The following FRMD6 variants were observed in gnomAD, a reference collection of about 807,000 sequenced individuals.
FRMD6 encodes the protein FERM domain-containing protein 6.
Under a neutral mutation model 73.2 loss-of-function variants are expected in FRMD6, and 37 were observed. The ratio of observed to expected loss-of-function variants is 0.51; its 90% CI spans 0.39 to 0.66. The LOEUF (loss-of-function observed/expected upper bound fraction) is 0.66, where lower values mean the gene tolerates loss of function less well. Among genes scored for constraint, FRMD6 ranks in the 30% least tolerant of loss-of-function variants. FRMD6 has a pLI of 0.00. For synonymous variants in FRMD6, 273 were observed against 282.2 expected, an observed-to-expected ratio of 0.97 and a Z score of 0.33; for missense variants, 714 against 780.5, an observed-to-expected ratio of 0.91 and a Z score of 1.02.
chr14:51,463,753 A>G, the FRMD6 span, among the ~76,000 whole-genome samples: 2 of 152,200 alleles, frequency 1.3e-5, no homozygotes, highest in African/African-American at 4.8e-5. Context: ...ACTTACCCAC[A>G]ACAGTTTTTT....
intron 2 of FRMD6, among the ~76,000 whole-genome samples, chr14:51,639,366 C>T (rs1357079631): frequency 1.3e-5 from 2 of 151,726 alleles, no homozygotes; most frequent in African/African-American, 2.4e-5. Context: ...ACCCGGTAGG[C>T]GGAGCTTGCA....
intron 1 of FRMD6, among the ~76,000 whole-genome samples, chr14:51,677,947 A>G (rs1046127260): frequency 6.6e-6 from 1 of 152,040 alleles, no homozygotes; most frequent in African/African-American, 2.4e-5. Context: ...GTGCCAGGAG[A>G]AACTAGGTTC....
upstream of FRMD6, among the ~76,000 whole-genome samples, chr14:51,485,611 A>G (rs1197003573): frequency 6.6e-6 from 1 of 152,048 alleles, no homozygotes; most frequent in African/African-American, 2.4e-5. Context: ...CCCTAACTCA[A>G]TCCAAATTTC....
intron 1 of FRMD6, among the ~76,000 whole-genome samples, chr14:51,521,595 A>G (rs1185488272): frequency 2.0e-5 from 3 of 152,124 alleles, no homozygotes; most frequent in African/African-American, 7.2e-5. Flanking sequence ...ATTTTTATTT[A>G]AATTCATGGA....
intron 5 of FRMD6, 80 bp downstream of exon 5, chr14:51,702,668 G>A (rs1896397818): frequency 8.8e-7 from 1 of 1,140,308 alleles, no homozygotes; most frequent in Non-Finnish European, 1.3e-6. Flanking sequence ...AGTTACGTGT[G>A]TTTATTCTTT....
At chr14:51,689,365 C>CT (rs1186598663) in intron 1 of FRMD6, among the ~76,000 whole-genome samples, 3 of 152,182 alleles carry the variant, frequency 2.0e-5, no homozygotes, top group Non-Finnish European at 2.9e-5. Context: ...GTTCAAAACC[C>CT]TTTATCTCCC....
At chr14:51,702,681 C>A in intron 5 of FRMD6, 93 bp downstream of exon 5, 1 of 1,031,844 alleles carries the variant, frequency 9.7e-7, no homozygotes, top group Non-Finnish European at 1.5e-6. Flanking sequence ...TATTCTTTGT[C>A]TTCACCTTTA....
Position 51,712,550 on chromosome 14 carries a change from TG to T in FRMD6, c.849+1del. On this transcript the variant is annotated frameshift_variant and splice_region_variant, in exon 9 of 14. Coordinates refer to ENST00000344768, the MANE Select transcript of FRMD6 (RefSeq NM_001267046.2). LOFTEE classifies it high-confidence loss of function. ...ACAAATGTTGGAAAATTGGTGTTTG[TG>T]GTAAGTTTAAAATAACTGGCTTAAA... Reference protein sequence around the residue: ...PWTNVGKLVFVGKKFEILPDG... With the variant: ...PWTNVGKLVFXGKKFEILPDG... The T allele has an allele frequency of 6.3e-7, 1 of 1,586,602 alleles. No homozygotes were observed. Among genetic ancestry groups the T allele is most frequent in the Non-Finnish European group, 8.7e-7 (1 of 1,156,024 alleles).
chr14:51,434,330 C>G, the FRMD6 span, among the ~76,000 whole-genome samples: 1 of 152,028 alleles, frequency 6.6e-6, no homozygotes, highest in Non-Finnish European at 1.5e-5. Flanking sequence ...TAAAAGGAAC[C>G]AGGGTTCCTT....
Position 51,489,908 on chromosome 14 carries a change from A to T in FRMD6, c.-210+488A>T, listed in dbSNP as rs548386805. Among the ~76,000 whole-genome samples the T allele has an allele frequency of 5.3e-5, 8 of 152,364 alleles. No homozygotes were observed. In the South Asian group the frequency reaches 1.5e-3, roughly 28 times the overall value. ...TTGTAAGACACCATCATAAGTTTTT[A>T]AAAAGGAAGTTATTAAGAGTCTGGG... On this transcript the variant is annotated intron_variant, in intron 1 of 14. Transcript: ENST00000356218.
chr14:51,577,197 G>A (rs898696087), intron 2 of FRMD6, among the ~76,000 whole-genome samples: 3 of 152,000 alleles, frequency 2.0e-5, no homozygotes, highest in Non-Finnish European at 4.4e-5. Context: ...GGGAGTGGGT[G>A]GGAAAACATG....
chr14:51,628,943 CT>C (rs1891231119), intron 2 of FRMD6, among the ~76,000 whole-genome samples: 1 of 123,782 alleles, frequency 8.1e-6, no homozygotes, highest in South Asian at 2.9e-4. Flanking sequence ...GTGACGCAAT[CT>C]CGGCTCACTG....
chr14:51,415,582 G>A, the FRMD6 span, among the ~76,000 whole-genome samples: 5 of 152,248 alleles, frequency 3.3e-5, no homozygotes, highest in South Asian at 2.1e-4. Context: ...TTTTTGCATT[G>A]ATGTTCATCA....
At chr14:51,431,071 G>A in the FRMD6 span, among the ~76,000 whole-genome samples, 2 of 152,164 alleles carry the variant, frequency 1.3e-5, no homozygotes, top group Admixed American at 1.3e-4. Context: ...GACAATTGAG[G>A]TTATTGTTTT....
chr14:51,663,817 G>A (rs1437336513), intron 1 of FRMD6, among the ~76,000 whole-genome samples: 2 of 152,172 alleles, frequency 1.3e-5, no homozygotes. Flanking sequence ...CCAAGAGCAC[G>A]GCACCAGCAT....
chr14:51,449,255 C>T, the FRMD6 span, among the ~76,000 whole-genome samples: 1 of 152,202 alleles, frequency 6.6e-6, no homozygotes, highest in African/African-American at 2.4e-5. Context: ...GCCAAGCTCT[C>T]CCTGTGGCAG....
In FRMD6 at chr14:51,600,049, G is replaced by C. The variant is rs368896007; in HGVS notation, c.-147+29639G>C. 5.9e-5 allele frequency: 9 copies of C among 151,540 alleles called. No individual in the cohort carries two copies. In the East Asian group the frequency reaches 7.7e-4, roughly 13 times the overall value. The allele number at this position is 151,540 out of a possible 1,614,324, so 9.4% of individuals were successfully genotyped here. A position where few individuals can be genotyped will look rare whatever the true frequency, so the allele number is the denominator to read the frequency against. ...TTGGAAGACTTGAAATCACAGATCT[G>C]AGAACTCCTGCACTTTGTAAATTCA... is the stretch of plus-strand genomic sequence containing the variant. On this transcript the variant is annotated intron_variant, in intron 2 of 14. Coordinates refer to the FRMD6 transcript ENST00000356218.
intron 1 of FRMD6, among the ~76,000 whole-genome samples, chr14:51,664,327 A>G (rs1043216998): frequency 6.6e-6 from 1 of 152,226 alleles, no homozygotes; most frequent in African/African-American, 2.4e-5. Flanking sequence ...AGCAATTTTC[A>G]TAGTTCTGTA....
chr14:51,648,066 T>C (rs1892159640), upstream of FRMD6, among the ~76,000 whole-genome samples: 1 of 152,090 alleles, frequency 6.6e-6, no homozygotes, highest in African/African-American at 2.4e-5. Flanking sequence ...CTCAGGTGAT[T>C]TGCCCACCTC....
Sources: allele counts gnomAD v4.1 joint callset (sites outside exome capture counted in the v4.1 genomes callset), GRCh38; gene constraint gnomAD v4.1.1; transcripts MANE v1.5; gene names NCBI Gene and HGNC (gene_info 2026-07-23, HGNC 2026-07-21).